The following ABI1 variants were observed in gnomAD, a reference collection of about 807,000 sequenced individuals.
The protein encoded by ABI1 is abl interactor 1.
In ABI1, 14 loss-of-function variants were observed where a neutral mutation model predicts 54.6. The observed-to-expected ratio is 0.26, with a 90% CI of 0.17 to 0.40. The LOEUF (loss-of-function observed/expected upper bound fraction) is 0.40, where lower values mean the gene tolerates loss of function less well. Among genes scored for constraint, ABI1 ranks in the 10% least tolerant of loss-of-function variants. ABI1 has a pLI of 1.00. For synonymous variants in ABI1, 194 were observed against 209.3 expected, an observed-to-expected ratio of 0.93 and a Z score of 0.63; for missense variants, 443 against 598.3, an observed-to-expected ratio of 0.74 and a Z score of 2.71.
At position 26,777,352 on chromosome 10, in the gene ABI1, C is replaced by T. The variant is rs1841541200; in HGVS notation, c.286-111G>A. The T allele has an allele frequency of 4.1e-6, 3 of 733,766 alleles. No homozygotes were observed. The East Asian group carries it at 8.5e-5, about 21-fold the overall frequency. 45.5% of individuals were successfully genotyped at this position (733,766 alleles called of 1,614,324 possible). A position where few individuals can be genotyped will look rare whatever the true frequency, so the allele number is the denominator to read the frequency against. ...GACCACAGGGCTGTACACCATATGT[C>T]TATTTTCCAGTGAATACTATTAAAT... On this transcript the variant is annotated intron_variant, in intron 2 of 10. Coordinates refer to ENST00000376140, the MANE Select transcript of ABI1 (RefSeq NM_001012750.3).
At chr10:26,760,088 A>G (rs1838929870) in intron 7 of ABI1, among the ~76,000 whole-genome samples, 1 of 152,066 alleles carries the variant, frequency 6.6e-6, no homozygotes, top group Non-Finnish European at 1.5e-5. Context: ...CTTTTAAAAA[A>G]AAAAAAAAAA....
chr10:26,752,421 T>C (rs557277918), intron 9 of ABI1, among the ~76,000 whole-genome samples: 9 of 152,316 alleles, frequency 5.9e-5, no homozygotes, highest in African/African-American at 1.9e-4. Context: ...GAAAATCTAA[T>C]TGAGTATTTT....
At chr10:26,764,361 C>T (rs918460590) in intron 7 of ABI1, among the ~76,000 whole-genome samples, 1 of 152,098 alleles carries the variant, frequency 6.6e-6, no homozygotes, top group African/African-American at 2.4e-5. Context: ...AGTAACTTTC[C>T]TATCTTAATT....
chr10:26,840,462 G>GACACT (rs1471073116), intron 1 of ABI1, among the ~76,000 whole-genome samples: 1 of 152,174 alleles, frequency 6.6e-6, no homozygotes, highest in African/African-American at 2.4e-5. Flanking sequence ...AACAGACTAA[G>GACACT]ACACTCACTT....
At chr10:26,830,827 T>C (rs1211997005) in intron 1 of ABI1, among the ~76,000 whole-genome samples, 1 of 152,182 alleles carries the variant, frequency 6.6e-6, no homozygotes, top group Non-Finnish European at 1.5e-5. Context: ...CATTTTGCTA[T>C]CAAATCATAA....
At chr10:26,763,356 G>A (rs1264005480) in intron 7 of ABI1, among the ~76,000 whole-genome samples, 3 of 152,076 alleles carry the variant, frequency 2.0e-5, no homozygotes, top group Non-Finnish European at 4.4e-5. Flanking sequence ...TCCCCAACTT[G>A]TGAACAATTT....
At chr10:26,824,174 C>A (rs1396795992) in intron 1 of ABI1, among the ~76,000 whole-genome samples, 1 of 152,010 alleles carries the variant, frequency 6.6e-6, no homozygotes, top group African/African-American at 2.4e-5. Flanking sequence ...AGATGTTCAA[C>A]CTCACTCATT....
At chr10:26,765,073 G>A (rs1839755800) in intron 7 of ABI1, 145 bp downstream of exon 7, 2 of 616,528 alleles carry the variant, frequency 3.2e-6, no homozygotes, top group Non-Finnish European at 5.4e-6. Flanking sequence ...TAAAAATATT[G>A]TTAACTTTGT....
intron 2 of ABI1, among the ~76,000 whole-genome samples, chr10:26,811,168 C>T (rs1348256401): frequency 6.6e-6 from 1 of 152,012 alleles, no homozygotes; most frequent in Admixed American, 6.6e-5. Context: ...TTAAGAATCC[C>T]TGTAGAATAA....
Position 26,790,966 on chromosome 10 carries a change from G to A in ABI1, c.286-13725C>T, listed in dbSNP as rs140835484. Among the ~76,000 whole-genome samples the A allele has an allele frequency of 1.3e-3, 200 of 150,898 alleles. 4 individuals carry two copies. The East Asian group carries it at 0.034, about 25-fold the overall frequency. Reference sequence around the variant, plus strand: ...CACACTTGCAGTCCCAGCTACTCAGGAGTCTGAGGTGGGAGGATCACCTGA... The same window carrying A: ...CACACTTGCAGTCCCAGCTACTCAGAAGTCTGAGGTGGGAGGATCACCTGA... On this transcript the variant is annotated intron_variant, in intron 2 of 10. Coordinates refer to ENST00000376140, the MANE Select transcript of ABI1 (RefSeq NM_001012750.3).
At chr10:26,838,877 C>T (rs924006054) in intron 1 of ABI1, among the ~76,000 whole-genome samples, 12 of 152,190 alleles carry the variant, frequency 7.9e-5, no homozygotes, top group Admixed American at 7.2e-4. Flanking sequence ...CCAAAGACCA[C>T]GGTCTGCCAC....
intron 1 of ABI1, among the ~76,000 whole-genome samples, chr10:26,850,657 CAAAA>C (rs560840432): frequency 7.9e-5 from 8 of 101,500 alleles, no homozygotes; most frequent in Non-Finnish European, 9.0e-5. Flanking sequence ...GACTCCGTCT[CAAAA>C]AAAAAAAAAA....
chr10:26,830,783 G>T (rs553962259), intron 1 of ABI1, among the ~76,000 whole-genome samples: 1 of 152,082 alleles, frequency 6.6e-6, no homozygotes, highest in Non-Finnish European at 1.5e-5. Context: ...ATTCTAGTAG[G>T]TATATAGTGG....
At chr10:26,759,817 A>G (rs886109534) in intron 7 of ABI1, among the ~76,000 whole-genome samples, 13 of 152,102 alleles carry the variant, frequency 8.5e-5, no homozygotes, top group Non-Finnish European at 1.6e-4. Flanking sequence ...TATTAGTATC[A>G]ATACATATTA....
rs142093517 is a variant in ABI1 at position 26,749,835 on chromosome 10, G to A, written c.1271-1090C>T. Among the ~76,000 whole-genome samples the A allele has an allele frequency of 3.6e-3, 545 of 152,232 alleles. 5 individuals are homozygous for A. The highest frequency in any genetic ancestry group is 0.029 in the East Asian group (152 of 5,182). On this transcript the variant is annotated intron_variant, in intron 10 of 10. Coordinates refer to ENST00000376140, the MANE Select transcript of ABI1 (RefSeq NM_001012750.3). ...ATGTATTGTCTATGTCTGCTTTTAC[G>A]CTACAATAGCAGGACTGAGTAGTTG...
At chr10:26,834,735 G>A (rs557625593) in intron 1 of ABI1, among the ~76,000 whole-genome samples, 7 of 152,254 alleles carry the variant, frequency 4.6e-5, no homozygotes. Flanking sequence ...GGGAGGCCAA[G>A]GCAGGCGGAT....
At chr10:26,751,884 A>C in intron 9 of ABI1, 101 bp from the exon 10 acceptor site, 1 of 1,033,848 alleles carries the variant, frequency 9.7e-7, no homozygotes, top group African/African-American at 1.6e-5. Flanking sequence ...TACAGCATGC[A>C]CTATAATAAA....
At chr10:26,800,530 T>G (rs1284589722) in intron 2 of ABI1, among the ~76,000 whole-genome samples, 2 of 152,028 alleles carry the variant, frequency 1.3e-5, no homozygotes, top group Non-Finnish European at 2.9e-5. Context: ...ATAATTCCAG[T>G]ACTTTGGTAG....
At chr10:26,794,515 G>A (rs534960872) in intron 2 of ABI1, among the ~76,000 whole-genome samples, 1 of 151,716 alleles carries the variant, frequency 6.6e-6, no homozygotes, top group Non-Finnish European at 1.5e-5. Context: ...TTAATAGGTG[G>A]TTGTACCATT....
Sources: gnomAD v4.1 joint callset for allele counts (sites outside exome capture counted in the v4.1 genomes callset) on GRCh38, gnomAD v4.1.1 for gene constraint, MANE v1.5 for transcripts, NCBI Gene and HGNC (gene_info 2026-07-23, HGNC 2026-07-21) for gene names.